Variants in RBFOX1 observed in about 807,000 individuals in gnomAD.
The protein encoded by RBFOX1 is RNA binding protein fox-1 homolog 1.
A neutral mutation model predicts 57.7 loss-of-function variants in RBFOX1; 8 were observed. The observed-to-expected ratio is 0.14, with a 90% CI of 0.08 to 0.25. RBFOX1 has a LOEUF of 0.25. Among genes scored for constraint, RBFOX1 ranks in the 10% least tolerant of loss-of-function variants. RBFOX1 has a pLI of 1.00. For synonymous variants in RBFOX1, 326 were observed against 222.4 expected (o/e 1.47, Z -4.15); for missense variants, 611 against 548.5 (o/e 1.11, Z -1.14).
intron 3 of RBFOX1, among the ~76,000 whole-genome samples, chr16:5,806,692 G>A (rs2055239411): frequency 6.6e-6 from 1 of 152,188 alleles, no homozygotes; most frequent in Non-Finnish European, 1.5e-5. Context: ...CTTTGCCAGG[G>A]ACTGTCATCA....
intron 14 of RBFOX1, among the ~76,000 whole-genome samples, chr16:7,705,425 A>C (rs1184250069): frequency 6.6e-6 from 1 of 152,062 alleles, no homozygotes; most frequent in African/African-American, 2.4e-5. Flanking sequence ...GAATGGCATG[A>C]ACTTGAGGGA....
intron 15 of RBFOX1, chr16:7,709,638 A>G (rs1318711158): frequency 2.0e-6 from 3 of 1,530,120 alleles, no homozygotes; most frequent in Non-Finnish European, 2.6e-6. Context: ...AGGAAAGAAA[A>G]TAGAGAGGGG....
At chr16:6,111,007 G>A (rs1441563702) in intron 1 of RBFOX1, among the ~76,000 whole-genome samples, 2 of 152,158 alleles carry the variant, frequency 1.3e-5, no homozygotes, top group South Asian at 2.1e-4. Context: ...ATATTTATGA[G>A]GGTTCAGTGG....
At chr16:7,263,750 G>C (rs2095018912) in intron 4 of RBFOX1, among the ~76,000 whole-genome samples, 1 of 152,018 alleles carries the variant, frequency 6.6e-6, no homozygotes, top group South Asian at 2.1e-4. Flanking sequence ...ACAAAAATTA[G>C]CTGGGTGTGG....
intron 4 of RBFOX1, among the ~76,000 whole-genome samples, chr16:5,974,481 G>T (rs886844497): frequency 6.6e-6 from 1 of 151,948 alleles, no homozygotes; most frequent in East Asian, 1.9e-4. Flanking sequence ...GTGGTGGTGT[G>T]CACCTGTAAT....
intron 3 of RBFOX1, among the ~76,000 whole-genome samples, chr16:5,628,579 G>A (rs1036295931): frequency 1.3e-5 from 2 of 152,172 alleles, no homozygotes; most frequent in African/African-American, 4.8e-5. Context: ...CTGCTGAACT[G>A]TCCTAGAGTT....
chr16:6,734,263 G>C (rs2069468869), intron 3 of RBFOX1, among the ~76,000 whole-genome samples: 2 of 152,144 alleles, frequency 1.3e-5, no homozygotes, highest in Non-Finnish European at 2.9e-5. Flanking sequence ...AATGCCCTTT[G>C]TTAAGCAGTG....
intron 4 of RBFOX1, among the ~76,000 whole-genome samples, chr16:7,345,165 G>A (rs768739168): frequency 3.3e-5 from 5 of 152,186 alleles, no homozygotes; most frequent in Admixed American, 6.5e-5. Context: ...ATCAAGCAAC[G>A]TTACCAACAC....
chr16:6,581,831 C>T (rs1401762299), intron 2 of RBFOX1, among the ~76,000 whole-genome samples: 1 of 152,152 alleles, frequency 6.6e-6, no homozygotes, highest in Non-Finnish European at 1.5e-5. Flanking sequence ...GTGTTATATC[C>T]CTCAAAGGAT....
chr16:7,043,527 C>T (rs1474766858), intron 3 of RBFOX1, among the ~76,000 whole-genome samples: 2 of 152,140 alleles, frequency 1.3e-5, no homozygotes, highest in African/African-American at 4.8e-5. Context: ...CATCTTGTTT[C>T]AGAAGAGTTT....
chr16:7,345,022 G>C (rs1356463775), intron 4 of RBFOX1, among the ~76,000 whole-genome samples: 1 of 151,256 alleles, frequency 6.6e-6, no homozygotes, highest in Non-Finnish European at 1.5e-5. Flanking sequence ...CAAACCTGGA[G>C]GTTGTGTGGT....
intron 4 of RBFOX1, among the ~76,000 whole-genome samples, chr16:7,517,636 G>A (rs1392256701): frequency 1.3e-5 from 2 of 151,810 alleles, no homozygotes; most frequent in Non-Finnish European, 2.9e-5. Flanking sequence ...TTCCCATTAT[G>A]TGAGCCAAGT....
intron 3 of RBFOX1, among the ~76,000 whole-genome samples, chr16:6,899,889 G>A (rs932034574): frequency 2.6e-5 from 4 of 152,152 alleles, no homozygotes; most frequent in African/African-American, 7.2e-5. Context: ...AGTTAACAAT[G>A]AGAGAGATTT....
chr16:6,758,028 T>G (rs1213569194), intron 3 of RBFOX1, among the ~76,000 whole-genome samples: 4 of 152,202 alleles, frequency 2.6e-5, no homozygotes, highest in Admixed American at 1.3e-4. Context: ...ACTGTCACAC[T>G]TTTAAGAAGT....
chr16:5,363,054 G>C (rs565811319), intron 1 of RBFOX1, among the ~76,000 whole-genome samples: 1 of 111,000 alleles, frequency 9.0e-6, no homozygotes, highest in Non-Finnish European at 1.7e-5. Flanking sequence ...TTTTTTTTGA[G>C]ATGGAGTATC....
intron 4 of RBFOX1, among the ~76,000 whole-genome samples, chr16:7,331,704 T>C (rs1371211086): frequency 6.6e-6 from 1 of 152,122 alleles, no homozygotes; most frequent in Non-Finnish European, 1.5e-5. Context: ...GTTTTCCAAA[T>C]GAGTGAACAG....
intron 1 of RBFOX1, among the ~76,000 whole-genome samples, chr16:6,262,439 A>C (rs2097707154): frequency 6.6e-6 from 1 of 152,122 alleles, no homozygotes; most frequent in Non-Finnish European, 1.5e-5. Flanking sequence ...TCTCTTCTTA[A>C]GAAAAAAAGG....
Position 7,475,338 on chromosome 16 carries a change from G to A in RBFOX1, c.28-42809G>A, listed in dbSNP as rs867344911. Among the ~76,000 whole-genome samples, 63 of 142,890 alleles carry A rather than the reference G, an allele frequency of 4.4e-4. 1 individual carries two copies. The highest frequency in any genetic ancestry group is 8.2e-3 in the Middle Eastern group (2 of 244). The allele number at this position is 142,890 out of a possible 152,430, so 93.7% of individuals were successfully genotyped here. On this transcript the variant is annotated intron_variant, in intron 4 of 15. Transcript: ENST00000550418. ...TTTTTTTTTTTTTTTCTTTCTAGATGGAGTCTCGCTCTGTCACCCAGGCTG... is the reference window on the plus strand; with the variant it reads ...TTTTTTTTTTTTTTTCTTTCTAGATAGAGTCTCGCTCTGTCACCCAGGCTG...
intron 4 of RBFOX1, among the ~76,000 whole-genome samples, chr16:7,271,935 C>G (rs1423317395): frequency 1.3e-5 from 2 of 152,136 alleles, no homozygotes; most frequent in African/African-American, 2.4e-5. Context: ...GGAAATATCC[C>G]CTCAGGCTTG....
Sources: allele counts gnomAD v4.1 joint callset (sites outside exome capture counted in the v4.1 genomes callset), GRCh38; gene constraint gnomAD v4.1.1; transcripts MANE v1.5; gene names NCBI Gene and HGNC (gene_info 2026-07-23, HGNC 2026-07-21).